MIB1: variants seen among roughly 807,000 people sequenced by gnomAD.
MIB1 encodes E3 ubiquitin-protein ligase MIB1.
Under a neutral mutation model 124.5 loss-of-function variants are expected in MIB1, and 278 were observed. The ratio of observed to expected loss-of-function variants is 2.23; its 90% CI spans 2.02 to 2.47. The LOEUF is 2.47. Ranked by LOEUF, MIB1 falls within the 30% of genes most tolerant of loss-of-function variation. The pLI is 0.00. For missense variants in MIB1, 957 were observed against 1,254.4 expected, an observed-to-expected ratio of 0.76 and a Z score of 3.58; for synonymous variants, 446 against 429.4, an observed-to-expected ratio of 1.04 and a Z score of -0.48.
chr18:21,819,492 A>G lies in MIB1; in HGVS notation c.1678-3A>G, dbSNP rs776642963. 1.9e-6 allele frequency: 3 copies of G among 1,582,692 alleles called. No individual in the cohort carries two copies. Among genetic ancestry groups the G allele is most frequent in the Non-Finnish European group, 2.6e-6 (3 of 1,160,878 alleles). On this transcript the variant is annotated splice_region_variant and splice_polypyrimidine_tract_variant and intron_variant, in intron 11 of 20. Transcript: ENST00000261537. ...ACTAATGAAAATTTCTTTAAACTTA[A>G]AGGATTCTGAAGGTGATACCCCTCT...
intron 1 of MIB1, among the ~76,000 whole-genome samples, chr18:21,710,910 T>C (rs980229527): frequency 6.8e-6 from 1 of 146,360 alleles, no homozygotes; most frequent in African/African-American, 2.6e-5. Context: ...CACTGCGACC[T>C]CTGGCTACCT....
intron 1 of MIB1, among the ~76,000 whole-genome samples, chr18:21,724,404 TA>T (rs2040728311): frequency 6.6e-6 from 1 of 151,854 alleles, no homozygotes; most frequent in Admixed American, 6.6e-5. Context: ...TACATTCAAT[TA>T]AAAAATATAT....
chr18:21,734,096 CTTGCT>C lies in MIB1; in HGVS notation n.167+28977_167+28981del, dbSNP rs2146365960. 2.0e-5 allele frequency among the ~76,000 whole-genome samples: 3 copies of C among 150,722 alleles called. 1 individual carries two copies. In the South Asian group the frequency reaches 6.3e-4, roughly 32 times the overall value. ...CCTCACCATAAATATGATATTTGTTCTTGCTTTGATTTTTTTTTTTTTTTTTTTGA... is the reference window on the plus strand; with the variant it reads ...CCTCACCATAAATATGATATTTGTTCTTGATTTTTTTTTTTTTTTTTTTGA... On this transcript the variant is annotated intron_variant and non_coding_transcript_variant, in intron 1 of 20. Transcript: ENST00000578646.
At chr18:21,815,032 T>TATATAG (rs1230247181) in intron 10 of MIB1, among the ~76,000 whole-genome samples, 2 of 114,968 alleles carry the variant, frequency 1.7e-5, no homozygotes, top group Non-Finnish European at 3.4e-5. Flanking sequence ...TATATATATA[T>TATATAG]ATATATATAT....
chr18:21,868,505 G>A lies in MIB1; in HGVS notation c.*3839G>A, dbSNP rs911476684. On this transcript the variant is annotated 3_prime_UTR_variant, in exon 21 of 21. Coordinates refer to ENST00000261537, the MANE Select transcript of MIB1 (RefSeq NM_020774.4). ...TTGTTATTTCATTTTGAGCCAGAGG[G>A]GAGAGGCACATTTTAAATATCAGAA... The A allele has an allele frequency of 6.6e-6, 1 of 152,328 alleles. No homozygotes were observed. The highest frequency in any genetic ancestry group is 1.5e-5 in the Non-Finnish European group (1 of 67,872). The allele number at this position is 152,328 out of a possible 1,614,324, so 9.4% of individuals were successfully genotyped here.
intron 1 of MIB1, among the ~76,000 whole-genome samples, chr18:21,733,897 G>T (rs900188454): frequency 6.6e-6 from 1 of 151,612 alleles, no homozygotes; most frequent in Non-Finnish European, 1.5e-5. Flanking sequence ...TAGAGACAGG[G>T]TTTCTCCATG....
chr18:21,722,574 T>C (rs1466197655), intron 1 of MIB1, among the ~76,000 whole-genome samples: 1 of 151,664 alleles, frequency 6.6e-6, no homozygotes, highest in Non-Finnish European at 1.5e-5. Context: ...TTTCACCATG[T>C]GGGCCAGACT....
At chr18:21,708,787 T>A (rs895257236) in intron 1 of MIB1, among the ~76,000 whole-genome samples, 12 of 152,192 alleles carry the variant, frequency 7.9e-5, no homozygotes, top group African/African-American at 2.9e-4. Flanking sequence ...CCAATCATAA[T>A]AATACTTAGA....
At chr18:21,710,522 G>A (rs1042572579) in intron 1 of MIB1, among the ~76,000 whole-genome samples, 2 of 152,256 alleles carry the variant, frequency 1.3e-5, no homozygotes, top group Non-Finnish European at 2.9e-5. Flanking sequence ...GGCCAAGTTG[G>A]GAGGATTGCT....
At chr18:21,706,889 G>A (rs1444077497) in intron 1 of MIB1, among the ~76,000 whole-genome samples, 2 of 152,238 alleles carry the variant, frequency 1.3e-5, no homozygotes, top group Non-Finnish European at 2.9e-5. Flanking sequence ...CACCGCCCAA[G>A]GGCTGAGGAG....
rs3017047 is a variant in MIB1, at chr18:21,765,743, A to C, written c.230-29A>C. 9,603 of 1,584,302 alleles carry C rather than the reference A, an allele frequency of 6.1e-3. 533 individuals are homozygous for C. In the African/African-American group the frequency reaches 0.11, roughly 19 times the overall value. On this transcript the variant is annotated intron_variant, in intron 1 of 20. Transcript: ENST00000261537. The stretch of plus-strand genomic sequence containing the variant: ...ATTCAAATAAATAAAATTTGTGATT[A>C]ATCTGAGCATGTGTCCTTGTTTTAA...
intron 1 of MIB1, among the ~76,000 whole-genome samples, chr18:21,723,427 G>A (rs1019854411): frequency 6.6e-6 from 1 of 152,118 alleles, no homozygotes; most frequent in African/African-American, 2.4e-5. Context: ...TGTACTCACT[G>A]CTACTGGATA....
intron 19 of MIB1, among the ~76,000 whole-genome samples, chr18:21,858,182 C>G (rs2042244627): frequency 1.3e-5 from 2 of 152,146 alleles, no homozygotes. Flanking sequence ...CAAAGCCCTG[C>G]TGGTTACTTT....
chr18:21,804,153 G>T, intron 10 of MIB1, 139 bp downstream of exon 10: 2 of 640,970 alleles, frequency 3.1e-6, no homozygotes, highest in South Asian at 3.9e-5. Context: ...AAATCTGACA[G>T]AGGCAACTTG....
Position 21,765,785 on chromosome 18 carries a change from TG to T in MIB1, c.245del (p.Gly82GlufsTer39), listed in dbSNP as rs1203967065. ...TTGTTTTAATAGGCATCAAGCATGA[TG>T]GAACCATGTGTGATACCTGCCGCCA... Reference protein sequence around the residue: ...DSAPTGIKHDGTMCDTCRQQP... With the variant: ...DSAPTGIKHDXTMCDTCRQQP... On this transcript the variant is annotated frameshift_variant, in exon 2 of 21. Transcript: ENST00000261537. LOFTEE classifies it high-confidence loss of function. The T allele has an allele frequency of 6.2e-7, 1 of 1,614,096 alleles. No individual in the cohort carries two copies. The highest frequency in any genetic ancestry group is 1.7e-5 in the Admixed American group (1 of 60,018).
Position 21,837,889 on chromosome 18 carries a change from A to G in MIB1, c.1830-476A>G, listed in dbSNP as rs542351789. 3.2e-4 allele frequency among the ~76,000 whole-genome samples: 48 copies of G among 152,292 alleles called. 1 individual carries two copies. In the South Asian group the frequency reaches 9.3e-3, roughly 30 times the overall value. On this transcript the variant is annotated intron_variant, in intron 12 of 20. Transcript: ENST00000261537. Reference sequence around the variant, plus strand: ...TGTATTAATTATCACAGTTTTTCCTACTTCTAAAAATTATTATCTGGCTGT... The same window carrying G: ...TGTATTAATTATCACAGTTTTTCCTGCTTCTAAAAATTATTATCTGGCTGT...
At chr18:21,859,920 G>A (rs1482985590) in intron 20 of MIB1, among the ~76,000 whole-genome samples, 21 of 138,656 alleles carry the variant, frequency 1.5e-4, no homozygotes, top group African/African-American at 5.1e-4. Flanking sequence ...AAGGAAAAAT[G>A]TGTCTGTATA....
intron 1 of MIB1, among the ~76,000 whole-genome samples, chr18:21,715,095 G>T (rs2040683678): frequency 6.6e-6 from 1 of 152,218 alleles, no homozygotes; most frequent in Admixed American, 6.5e-5. Flanking sequence ...ACCCTCTGGA[G>T]AAAGTGGATT....
chr18:21,716,679 G>A (rs1175734076), intron 1 of MIB1, among the ~76,000 whole-genome samples: 2 of 152,136 alleles, frequency 1.3e-5, no homozygotes, highest in Non-Finnish European at 2.9e-5. Flanking sequence ...GTGAAACCCT[G>A]TGTCTACTAA....
Sources: allele counts gnomAD v4.1 joint callset (sites outside exome capture counted in the v4.1 genomes callset), GRCh38; gene constraint gnomAD v4.1.1; transcripts MANE v1.5; gene names NCBI Gene and HGNC (gene_info 2026-07-23, HGNC 2026-07-21).